Variants in FHIT observed in about 807,000 individuals in gnomAD.
The protein encoded by FHIT is bis(5'-adenosyl)-triphosphatase.
A neutral mutation model predicts 17.9 loss-of-function variants in FHIT; 19 were observed. The observed-to-expected ratio is 1.06, with a 90% confidence interval of 0.74 to 1.56. FHIT has a LOEUF of 1.56. Ranked by LOEUF, FHIT falls within the 40% of genes most tolerant of loss-of-function variation. The pLI is 0.00. For synonymous variants in FHIT, 81 were observed against 69.7 expected (o/e 1.16, Z -0.81); for missense variants, 248 against 189.2 (o/e 1.31, Z -1.82).
chr3:60,999,663 A>G (rs1456110500), intron 3 of FHIT, among the ~76,000 whole-genome samples: 1 of 151,912 alleles, frequency 6.6e-6, no homozygotes, highest in African/African-American at 2.4e-5. Flanking sequence ...AAGGTTTAAA[A>G]GGAATTCTTT....
At chr3:60,163,516 C>G (rs1001301866) in intron 5 of FHIT, among the ~76,000 whole-genome samples, 1 of 152,102 alleles carries the variant, frequency 6.6e-6, no homozygotes, top group Non-Finnish European at 1.5e-5. Flanking sequence ...CTGTGCTTTC[C>G]TTTGTACATG....
At chr3:60,925,130 ACT>A (rs1386357951) in intron 3 of FHIT, among the ~76,000 whole-genome samples, 2 of 152,204 alleles carry the variant, frequency 1.3e-5, no homozygotes, top group Non-Finnish European at 2.9e-5. Flanking sequence ...CTTGCAAAAC[ACT>A]CTGCAAGATA....
At chr3:60,888,004 T>C (rs1379033728) in intron 3 of FHIT, among the ~76,000 whole-genome samples, 1 of 152,210 alleles carries the variant, frequency 6.6e-6, no homozygotes, top group Non-Finnish European at 1.5e-5. Flanking sequence ...GGGAAAAGTG[T>C]AATCCCTAAA....
At chr3:61,158,460 T>C (rs914777762) in intron 2 of FHIT, among the ~76,000 whole-genome samples, 1 of 152,130 alleles carries the variant, frequency 6.6e-6, no homozygotes, top group African/African-American at 2.4e-5. Flanking sequence ...AAAGGGAGAT[T>C]TGTCTAACTA....
At chr3:59,885,788 C>A (rs769044315) in intron 8 of FHIT, among the ~76,000 whole-genome samples, 1 of 152,180 alleles carries the variant, frequency 6.6e-6, no homozygotes, top group African/African-American at 2.4e-5. Context: ...CAAAAGAAAT[C>A]AGCTTTATAC....
At chr3:60,205,607 G>T (rs1375423253) in intron 5 of FHIT, among the ~76,000 whole-genome samples, 3 of 152,178 alleles carry the variant, frequency 2.0e-5, no homozygotes, top group Non-Finnish European at 4.4e-5. Context: ...CAGGAAGAGG[G>T]AGGATAGAGC....
intron 8 of FHIT, among the ~76,000 whole-genome samples, chr3:59,806,642 A>ATGTATATG (rs1700208476): frequency 1.5e-5 from 1 of 68,944 alleles, no homozygotes; most frequent in Admixed American, 1.7e-4. Flanking sequence ...GTTTATATAT[A>ATGTATATG]TATATACATA....
At chr3:60,204,031 G>A (rs1342271643) in intron 5 of FHIT, among the ~76,000 whole-genome samples, 1 of 152,016 alleles carries the variant, frequency 6.6e-6, no homozygotes, top group Non-Finnish European at 1.5e-5. Flanking sequence ...AGCACAACAA[G>A]GTGATTATAG....
chr3:60,329,114 T>C (rs1709839272), intron 5 of FHIT, among the ~76,000 whole-genome samples: 1 of 152,216 alleles, frequency 6.6e-6, no homozygotes, highest in South Asian at 2.1e-4. Flanking sequence ...ATGAGAACCA[T>C]GACAAATAGT....
intron 5 of FHIT, among the ~76,000 whole-genome samples, chr3:60,127,992 T>C (rs11915829): frequency 0.075 from 11,405 of 152,256 alleles, 498 homozygotes; most frequent in South Asian, 0.15. Flanking sequence ...TTGACTTTAA[T>C]ATTCAAGTAA....
intron 2 of FHIT, among the ~76,000 whole-genome samples, chr3:61,131,621 T>G (rs142940757): frequency 6.8e-4 from 104 of 152,358 alleles, no homozygotes; most frequent in African/African-American, 2.5e-3. Flanking sequence ...TGGCCCACTC[T>G]TGGCCCCAGG....
At chr3:60,960,118 C>T (rs548985535) in intron 3 of FHIT, among the ~76,000 whole-genome samples, 1 of 152,048 alleles carries the variant, frequency 6.6e-6, no homozygotes, top group East Asian at 1.9e-4. Flanking sequence ...AAAGATACTA[C>T]TTGAATAAGA....
intron 5 of FHIT, among the ~76,000 whole-genome samples, chr3:60,101,817 C>T (rs533369810): frequency 7.2e-5 from 11 of 152,298 alleles, no homozygotes; most frequent in Non-Finnish European, 1.5e-4. Flanking sequence ...TATCAACCAG[C>T]GCTCTCCCAC....
At chr3:59,860,223 G>T (rs1702347485) in intron 8 of FHIT, among the ~76,000 whole-genome samples, 1 of 152,154 alleles carries the variant, frequency 6.6e-6, no homozygotes, top group African/African-American at 2.4e-5. Context: ...ATCCTTCTTT[G>T]TTTTCTGAGA....
intron 4 of FHIT, among the ~76,000 whole-genome samples, chr3:60,710,812 G>C (rs1267844050): frequency 6.6e-6 from 1 of 152,202 alleles, no homozygotes; most frequent in Non-Finnish European, 1.5e-5. Context: ...AAGGAGGCCT[G>C]CCTGCCTCTG....
At chr3:60,131,632 C>A (rs1391110369) in intron 5 of FHIT, among the ~76,000 whole-genome samples, 1 of 152,110 alleles carries the variant, frequency 6.6e-6, no homozygotes, top group Non-Finnish European at 1.5e-5. Context: ...AGATATGTCT[C>A]CTTCTCTTTT....
At chr3:60,107,591 C>G (rs1704480250) in intron 5 of FHIT, among the ~76,000 whole-genome samples, 1 of 152,152 alleles carries the variant, frequency 6.6e-6, no homozygotes, top group Non-Finnish European at 1.5e-5. Context: ...TTTGCTCTAT[C>G]CCATTAGAAA....
chr3:60,199,121 T>C (rs891680633), intron 5 of FHIT, among the ~76,000 whole-genome samples: 2 of 152,164 alleles, frequency 1.3e-5, no homozygotes, highest in African/African-American at 4.8e-5. Flanking sequence ...GTGGATTTAG[T>C]AGCCAGCCAA....
At chr3:61,107,509 T>C (rs1265797908) in intron 2 of FHIT, among the ~76,000 whole-genome samples, 1 of 152,180 alleles carries the variant, frequency 6.6e-6, no homozygotes, top group African/African-American at 2.4e-5. Context: ...TCTGGAATCA[T>C]ATGGTGGTTC....
Sources: allele counts gnomAD v4.1 joint callset (sites outside exome capture counted in the v4.1 genomes callset), GRCh38; gene constraint gnomAD v4.1.1; transcripts MANE v1.5; gene names NCBI Gene and HGNC (gene_info 2026-07-23, HGNC 2026-07-21).